PCED1B: variants seen among roughly 807,000 people sequenced by gnomAD.
PCED1B encodes PC-esterase domain-containing protein 1B.
For synonymous variants in PCED1B, 251 were observed against 246.1 expected (o/e 1.02, Z -0.19); for missense variants, 573 against 573.9 (o/e 1.00, Z 0.02).
intron 2 of PCED1B, among the ~76,000 whole-genome samples, chr12:47,177,599 C>A (rs1941964806): frequency 1.3e-5 from 2 of 152,042 alleles, no homozygotes; most frequent in South Asian, 4.1e-4. Context: ...TGCCTTAGTC[C>A]AGCCTGGTGG....
intron 2 of PCED1B, among the ~76,000 whole-genome samples, chr12:47,201,125 C>CT (rs1942750781): frequency 3.9e-5 from 6 of 151,960 alleles, no homozygotes; most frequent in Admixed American, 3.3e-4. Context: ...TTCTTTTATA[C>CT]TTTCGTTTAG....
intron 2 of PCED1B, among the ~76,000 whole-genome samples, chr12:47,202,607 A>AAAAAAAAAAAAAG (rs1942797795): frequency 6.6e-6 from 1 of 150,742 alleles, no homozygotes; most frequent in African/African-American, 2.4e-5. Flanking sequence ...AAAAAAAAAA[A>AAAAAAAAAAAAAG]AAAAAAAAAA....
intron 1 of PCED1B, among the ~76,000 whole-genome samples, chr12:47,085,170 A>G (rs1937920389): frequency 6.6e-6 from 1 of 152,138 alleles, no homozygotes; most frequent in Non-Finnish European, 1.5e-5. Context: ...AACCCATTTA[A>G]CCTCTCCAGG....
At chr12:47,215,162 A>C (rs1943213601) in intron 2 of PCED1B, among the ~76,000 whole-genome samples, 1 of 151,752 alleles carries the variant, frequency 6.6e-6, no homozygotes, top group Non-Finnish European at 1.5e-5. Context: ...TTGTAGGGAA[A>C]GTGATATTCC....
At position 47,115,371 on chromosome 12, in the gene PCED1B, G is replaced by A. The variant is rs143391582; in HGVS notation, c.-526+11176G>A. Among the ~76,000 whole-genome samples the A allele has an allele frequency of 1.7e-3, 258 of 152,142 alleles. 2 individuals carry two copies. The highest frequency in any genetic ancestry group is 3.2e-3 in the Non-Finnish European group (219 of 67,998). On this transcript the variant is annotated intron_variant, in intron 2 of 3. Coordinates refer to ENST00000546455, the MANE Select transcript of PCED1B (RefSeq NM_138371.3). The stretch of plus-strand genomic sequence containing the variant: ...TCCTCCTTGCTCCCCTGCCCCTCCC[G>A]CAATGTCTGTGGACTATCTGGACCC...
At chr12:47,196,120 A>G (rs1942595752) in intron 2 of PCED1B, among the ~76,000 whole-genome samples, 1 of 152,250 alleles carries the variant, frequency 6.6e-6, no homozygotes, top group Admixed American at 6.5e-5. Flanking sequence ...AAATTTGAAT[A>G]TATTGACATT....
At chr12:47,086,563 T>C (rs1321221646) in intron 1 of PCED1B, among the ~76,000 whole-genome samples, 1 of 152,206 alleles carries the variant, frequency 6.6e-6, no homozygotes, top group Non-Finnish European at 1.5e-5. Flanking sequence ...TCTTTTTAAA[T>C]ACTTTAACAT....
intron 1 of PCED1B, among the ~76,000 whole-genome samples, chr12:47,097,043 G>A (rs139834484): frequency 6.6e-6 from 1 of 152,102 alleles, no homozygotes; most frequent in East Asian, 1.9e-4. Flanking sequence ...CTAACATTTA[G>A]CCCCTCAGTT....
chr12:47,105,239 G>A (rs561674847), intron 2 of PCED1B, among the ~76,000 whole-genome samples: 2 of 152,084 alleles, frequency 1.3e-5, no homozygotes, highest in Non-Finnish European at 2.9e-5. Flanking sequence ...CAGAGTGAAC[G>A]CGGTGGGGGG....
chr12:47,135,347 G>C (rs1940309401), intron 2 of PCED1B, among the ~76,000 whole-genome samples: 1 of 151,716 alleles, frequency 6.6e-6, no homozygotes, highest in Non-Finnish European at 1.5e-5. Flanking sequence ...GCACTTTATT[G>C]AATGACATTG....
intron 2 of PCED1B, among the ~76,000 whole-genome samples, chr12:47,116,326 G>A (rs1289241387): frequency 6.6e-6 from 1 of 152,130 alleles, no homozygotes; most frequent in East Asian, 1.9e-4. Flanking sequence ...CAAAGCAACT[G>A]AATTATTTCT....
rs570723831 is a variant in PCED1B, at chr12:47,117,644, G to A, written c.-526+13449G>A. Among the ~76,000 whole-genome samples the A allele has an allele frequency of 1.3e-4, 20 of 152,178 alleles. No individual in the cohort carries two copies. In the South Asian group the frequency reaches 3.7e-3, roughly 28 times the overall value. On this transcript the variant is annotated intron_variant, in intron 2 of 3. Coordinates refer to ENST00000546455, the MANE Select transcript of PCED1B (RefSeq NM_138371.3). ...CCAAGTCTTTGCTATTGTGAATAGT[G>A]CCGCAATAAACATACGTGTGCATGT... is the stretch of plus-strand genomic sequence containing the variant.
At chr12:47,195,381 C>T (rs920505671) in intron 2 of PCED1B, among the ~76,000 whole-genome samples, 3 of 151,474 alleles carry the variant, frequency 2.0e-5, no homozygotes, top group Admixed American at 6.6e-5. Context: ...GCTAATGTCT[C>T]GAGGGAGAAA....
chr12:47,169,052 G>A (rs556125372), intron 2 of PCED1B, among the ~76,000 whole-genome samples: 1 of 152,242 alleles, frequency 6.6e-6, no homozygotes, highest in African/African-American at 2.4e-5. Context: ...GTTGTTTGCT[G>A]GGGCTGTAAG....
intron 2 of PCED1B, among the ~76,000 whole-genome samples, chr12:47,131,634 G>A (rs1349283574): frequency 6.7e-6 from 1 of 150,142 alleles, no homozygotes; most frequent in Non-Finnish European, 1.5e-5. Context: ...GTTTTATCCT[G>A]CATCTTGATT....
intron 2 of PCED1B, among the ~76,000 whole-genome samples, chr12:47,142,422 T>G (rs943348133): frequency 6.6e-5 from 10 of 152,030 alleles, no homozygotes; most frequent in Admixed American, 1.3e-4. Context: ...TCATGAAGAA[T>G]CAGGCAAACA....
At chr12:47,187,689 T>G (rs1209662241) in intron 2 of PCED1B, 4 of 152,616 alleles carry the variant, frequency 2.6e-5, no homozygotes. Context: ...CCCAGGCAAC[T>G]CCCAACTCTG....
chr12:47,185,560 G>T (rs1565589223), intron 2 of PCED1B, among the ~76,000 whole-genome samples: 1 of 152,112 alleles, frequency 6.6e-6, no homozygotes, highest in Non-Finnish European at 1.5e-5. Context: ...AGGCTGACGG[G>T]GGTGGATCAC....
At chr12:47,193,365 C>T (rs1348666872) in intron 2 of PCED1B, among the ~76,000 whole-genome samples, 1 of 152,146 alleles carries the variant, frequency 6.6e-6, no homozygotes, top group East Asian at 1.9e-4. Flanking sequence ...ACCAGGGAAC[C>T]ATTCTTTATA....
Sources: gnomAD v4.1 joint callset for allele counts (sites outside exome capture counted in the v4.1 genomes callset) on GRCh38, gnomAD v4.1.1 for gene constraint, MANE v1.5 for transcripts, NCBI Gene and HGNC (gene_info 2026-07-23, HGNC 2026-07-21) for gene names.